The following KCNT2 variants were observed in gnomAD, a reference collection of about 807,000 sequenced individuals.
KCNT2 encodes potassium channel subfamily T member 2.
KCNT2 carries 67 observed loss-of-function variants against 153.8 expected under a neutral mutation model. That is an observed-to-expected ratio of 0.44 (90% confidence interval 0.36 to 0.53). The LOEUF (loss-of-function observed/expected upper bound fraction) is 0.53. Ranked by LOEUF, KCNT2 falls within the 20% of genes least tolerant of loss-of-function variation. The pLI, the probability that KCNT2 is intolerant of heterozygous loss-of-function variation, is 0.00. For synonymous variants in KCNT2, 500 were observed against 458.8 expected, an observed-to-expected ratio of 1.09 and a Z score of -1.15; for missense variants, 975 against 1,354.8, an observed-to-expected ratio of 0.72 and a Z score of 4.40.
intron 12 of KCNT2, among the ~76,000 whole-genome samples, chr1:196,404,322 T>A (rs1671659645): frequency 6.6e-6 from 1 of 151,626 alleles, no homozygotes; most frequent in Non-Finnish European, 1.5e-5. Context: ...AATTCTGTAA[T>A]CTTATCAGAT....
intron 14 of KCNT2, among the ~76,000 whole-genome samples, chr1:196,366,269 C>T (rs1045290807): frequency 6.6e-6 from 1 of 151,890 alleles, no homozygotes; most frequent in Non-Finnish European, 1.5e-5. Flanking sequence ...AAGGGATTCT[C>T]CTGCCTCAGC....
chr1:196,604,020 C>G (rs991980631), intron 1 of KCNT2, among the ~76,000 whole-genome samples: 1 of 152,148 alleles, frequency 6.6e-6, no homozygotes, highest in Non-Finnish European at 1.5e-5. Flanking sequence ...GCAGTGGCTC[C>G]CACCTATAAT....
intron 13 of KCNT2, among the ~76,000 whole-genome samples, chr1:196,392,226 G>C (rs1670554212): frequency 6.6e-6 from 1 of 151,096 alleles, no homozygotes; most frequent in Non-Finnish European, 1.5e-5. Context: ...AACAGTGTAA[G>C]TTTGATTTTT....
chr1:196,400,694 C>A lies in KCNT2; in HGVS notation c.1186-2023G>T, dbSNP rs375344802. On this transcript the variant is annotated intron_variant, in intron 12 of 27. Transcript: ENST00000294725. ...CTGCTGACACCAGCAAGAAATGTAA[C>A]ATTAATAATAAAAGAAGAAATAGAA... Among the ~76,000 whole-genome samples the A allele has an allele frequency of 3.3e-5, 5 of 151,666 alleles. No homozygotes were observed. In the East Asian group the frequency reaches 7.8e-4, roughly 24 times the overall value.
At chr1:196,583,812 G>A (rs560166781) in intron 1 of KCNT2, among the ~76,000 whole-genome samples, 6 of 152,072 alleles carry the variant, frequency 3.9e-5, no homozygotes, top group Non-Finnish European at 7.4e-5. Context: ...GAATGCACAA[G>A]ATAGAAGAGT....
chr1:196,435,449 C>T (rs1252153346), intron 8 of KCNT2, among the ~76,000 whole-genome samples: 3 of 151,116 alleles, frequency 2.0e-5, no homozygotes, highest in Non-Finnish European at 4.4e-5. Flanking sequence ...ATTCATTCTA[C>T]ATAAATAATG....
At chr1:196,495,417 G>T (rs1208168667) in intron 1 of KCNT2, among the ~76,000 whole-genome samples, 3 of 152,018 alleles carry the variant, frequency 2.0e-5, no homozygotes, top group Admixed American at 2.0e-4. Flanking sequence ...AGTTTTTCAT[G>T]ATTTAACTTA....
intron 5 of KCNT2, among the ~76,000 whole-genome samples, chr1:196,471,568 A>T (rs967461654): frequency 1.3e-5 from 2 of 152,090 alleles, no homozygotes; most frequent in African/African-American, 4.8e-5. Context: ...ATTGTCCACA[A>T]GAAGAGATTG....
chr1:196,537,843 G>A (rs549994774), intron 1 of KCNT2, among the ~76,000 whole-genome samples: 24 of 152,162 alleles, frequency 1.6e-4, no homozygotes, highest in African/African-American at 3.9e-4. Flanking sequence ...CTTATCTCTC[G>A]TGGGGGCGGG....
intron 3 of KCNT2, 91 bp from the exon 4 acceptor site, chr1:196,482,470 T>C: frequency 1.5e-6 from 1 of 654,712 alleles, no homozygotes; most frequent in East Asian, 3.3e-5. Context: ...TATTAAAATA[T>C]GCTAGCATAA....
intron 14 of KCNT2, among the ~76,000 whole-genome samples, chr1:196,346,805 C>T (rs1666181603): frequency 6.6e-6 from 1 of 152,124 alleles, no homozygotes; most frequent in Non-Finnish European, 1.5e-5. Flanking sequence ...CAACATCTCA[C>T]CCAACACCAA....
At chr1:196,229,272 T>C (rs1263788048) in intron 27 of KCNT2, among the ~76,000 whole-genome samples, 12 of 152,204 alleles carry the variant, frequency 7.9e-5, no homozygotes, top group Non-Finnish European at 4.4e-5. Flanking sequence ...ACTTGAACTT[T>C]TTCCATTGTA....
At chr1:196,529,082 G>A (rs1654611881) in intron 1 of KCNT2, among the ~76,000 whole-genome samples, 2 of 152,064 alleles carry the variant, frequency 1.3e-5, no homozygotes, top group South Asian at 2.1e-4. Context: ...TCAAATGAGA[G>A]CAATGTAACG....
chr1:196,510,959 A>G (rs59464070), intron 1 of KCNT2, among the ~76,000 whole-genome samples: 7,225 of 152,268 alleles, frequency 0.047, 588 homozygotes, highest in African/African-American at 0.16. Flanking sequence ...GCAAATATAG[A>G]GGAAATTGTT....
intron 14 of KCNT2, among the ~76,000 whole-genome samples, chr1:196,351,547 T>C (rs1666699665): frequency 6.6e-6 from 1 of 152,086 alleles, no homozygotes; most frequent in African/African-American, 2.4e-5. Flanking sequence ...TTTTTGTACA[T>C]TGATTTTGTA....
chr1:196,499,794 C>G (rs1340991250), intron 1 of KCNT2, among the ~76,000 whole-genome samples: 3 of 151,956 alleles, frequency 2.0e-5, no homozygotes, highest in African/African-American at 7.3e-5. Flanking sequence ...ATAAAGTATA[C>G]TATTATTAAT....
At chr1:196,297,734 T>C (rs1660804535) in intron 22 of KCNT2, among the ~76,000 whole-genome samples, 1 of 152,188 alleles carries the variant, frequency 6.6e-6, no homozygotes, top group Non-Finnish European at 1.5e-5. Context: ...AAACTCAGTG[T>C]TGGCAGGTAG....
intron 1 of KCNT2, among the ~76,000 whole-genome samples, chr1:196,511,656 T>C (rs754819202): frequency 6.6e-6 from 1 of 152,208 alleles, no homozygotes; most frequent in African/African-American, 2.4e-5. Context: ...CTGATTTTTC[T>C]TGAGGCACCT....
intron 1 of KCNT2, among the ~76,000 whole-genome samples, chr1:196,525,270 G>C (rs1053948659): frequency 6.6e-6 from 1 of 152,076 alleles, no homozygotes; most frequent in Non-Finnish European, 1.5e-5. Context: ...CCCAGATGGA[G>C]TTGACCCAGG....
Sources: gnomAD v4.1 joint callset for allele counts (sites outside exome capture counted in the v4.1 genomes callset) on GRCh38, gnomAD v4.1.1 for gene constraint, MANE v1.5 for transcripts, NCBI Gene and HGNC (gene_info 2026-07-23, HGNC 2026-07-21) for gene names.